SDCBP2: variants seen among roughly 807,000 people sequenced by gnomAD.
SDCBP2 encodes the protein syndecan binding protein 2.
In SDCBP2, 28 loss-of-function variants were observed where a neutral mutation model predicts 30.7. The ratio of observed to expected loss-of-function variants is 0.91; its 90% CI spans 0.68 to 1.25. The LOEUF is 1.25. Ranked by LOEUF, SDCBP2 falls within the 50% of genes most tolerant of loss-of-function variation. The probability of loss-of-function intolerance (pLI) is 0.00; values close to 1 mark genes in which losing one functional copy is unlikely to be tolerated. For synonymous variants in SDCBP2, 166 were observed against 157.3 expected, an observed-to-expected ratio of 1.06 and a Z score of -0.41; for missense variants, 399 against 379.0, an observed-to-expected ratio of 1.05 and a Z score of -0.44.
At chr20:1,319,411 A>G in intron 3 of SDCBP2, 179 bp downstream of exon 3, 1 of 651,568 alleles carries the variant, frequency 1.5e-6, no homozygotes, top group Non-Finnish European at 2.7e-6. Context: ...GAGGTGACTC[A>G]GCCCAGGTCA....
chr20:1,310,110 GT>G lies in SDCBP2; in HGVS notation c.*330del. On this transcript the variant is annotated 3_prime_UTR_variant, in exon 9 of 9. Transcript: ENST00000360779. ...CTCTGTTCTCTTAAAATGTGTAACT[GT>G]TTTCCTGGTAGAGCAAAATTTCTTG... The G allele has an allele frequency of 3.9e-6, 1 of 255,760 alleles. No individual in the cohort carries two copies. The highest frequency in any genetic ancestry group is 5.0e-5 in the Admixed American group (1 of 19,812). The allele number at this position is 255,760 out of a possible 1,614,324, so 15.8% of individuals were successfully genotyped here. A position where few individuals can be genotyped will look rare whatever the true frequency, so the allele number is the denominator to read the frequency against.
Position 1,321,629 on chromosome 20 carries a change from TG to T in SDCBP2, c.-19-1195del, listed in dbSNP as rs2122534751. 6.6e-6 allele frequency: 1 copy of T among 152,458 alleles called. No homozygotes were observed. Among genetic ancestry groups the T allele is most frequent in the South Asian group, 2.1e-4 (1 of 4,826 alleles). 9.4% of individuals were successfully genotyped at this position (152,458 alleles called of 1,614,324 possible). Reference sequence around the variant, plus strand: ...CCACCAGGCCCTTTGTGTACACACTTGGGATGTCATGCCCTGGCTGAAAGCC... The same window carrying T: ...CCACCAGGCCCTTTGTGTACACACTTGGATGTCATGCCCTGGCTGAAAGCC... On this transcript the variant is annotated intron_variant, in intron 1 of 8. Coordinates refer to ENST00000360779, the MANE Select transcript of SDCBP2 (RefSeq NM_080489.5). This position sits in a 1 kb window ranked among gnomAD's most constrained non-coding sequence, Gnocchi z 5.2.
Position 1,310,480 on chromosome 20 carries a change from C to A in SDCBP2, c.840G>T (p.Leu280=). ...EHMVKKLPPV[L]LHHTMDHSIP... ...TGGAGTGGTCCATGGTGTGGTGGAG[C>A]AGGACTGGAGGCAACCTGGATACAG... The change falls in exon 9 of 9, where the codon CTG becomes CTT. Residue 280 remains leucine, a synonymous_variant. Coordinates refer to ENST00000360779, the MANE Select transcript of SDCBP2 (RefSeq NM_080489.5). The A allele has an allele frequency of 6.2e-7, 1 of 1,613,726 alleles. No homozygotes were observed. Among genetic ancestry groups the A allele is most frequent in the Non-Finnish European group, 8.5e-7 (1 of 1,179,992 alleles).
intron 4 of SDCBP2, among the ~76,000 whole-genome samples, chr20:1,314,488 C>CAAAAAAAAAAAA (rs57936330): frequency 9.3e-5 from 5 of 53,952 alleles, no homozygotes; most frequent in Non-Finnish European, 1.5e-4. Flanking sequence ...GACTCCACCT[C>CAAAAAAAAAAAA]AAAAAAAAAA....
In SDCBP2 at chr20:1,328,693, G is replaced by A. The variant is rs149540707; in HGVS notation, c.-20+392C>T. The stretch of plus-strand genomic sequence containing the variant: ...GGTTTTTTGATAGAAACAGCCTCAG[G>A]CCAGAGAAGTCGGCCTGAGCTGTGG... On this transcript the variant is annotated intron_variant, in intron 1 of 8. Transcript: ENST00000360779. Among the ~76,000 whole-genome samples, 785 of 152,276 alleles carry A rather than the reference G, an allele frequency of 5.2e-3. 28 individuals carry two copies. The highest frequency in any genetic ancestry group is 0.046 in the Admixed American group (697 of 15,296).
chr20:1,328,916 G>T (rs188728487), intron 1 of SDCBP2, among the ~76,000 whole-genome samples, 169 bp downstream of exon 1: 1 of 152,278 alleles, frequency 6.6e-6, no homozygotes, highest in Admixed American at 6.5e-5. Flanking sequence ...GCTGGGATCA[G>T]AAGAAGAAAC....
chr20:1,315,188 A>G (rs571817958), intron 4 of SDCBP2, among the ~76,000 whole-genome samples: 1 of 152,356 alleles, frequency 6.6e-6, no homozygotes, highest in African/African-American at 2.4e-5. Flanking sequence ...AAATCCAGAA[A>G]TAGCCTCAAA....
intron 4 of SDCBP2, among the ~76,000 whole-genome samples, chr20:1,314,417 G>C (rs1332255891): frequency 7.0e-6 from 1 of 142,324 alleles, no homozygotes. Context: ...AACCCAGGAG[G>C]TGGAGGTTGC....
intron 5 of SDCBP2, chr20:1,312,996 A>C: frequency 3.4e-6 from 2 of 595,526 alleles, no homozygotes; most frequent in Middle Eastern, 4.5e-4. Context: ...TGCACTCCGA[A>C]ACACTCCACT....
Position 1,313,393 on chromosome 20 carries a change from G to A in SDCBP2, c.331C>T (p.Leu111=). The change falls in exon 5 of 9, where the codon CTG becomes TTG. Residue 111 remains leucine (L), a synonymous_variant. Coordinates refer to ENST00000360779, the MANE Select transcript of SDCBP2 (RefSeq NM_080489.5). The surrounding 1 kb of genome is among the most constrained non-coding windows in gnomAD (Gnocchi z 5.2). ...EIKPGVREIH[L]CKDERGKTGL... ...GTCTTGCCGCGCTCGTCCTTGCACA[G>A]GTGGATCTCGCGCACCCCGGGCTTG... is the stretch of plus-strand genomic sequence containing the variant. 2.5e-6 allele frequency: 4 copies of A among 1,610,504 alleles called. No individual in the cohort carries two copies. Among genetic ancestry groups the A allele is most frequent in the African/African-American group, 2.7e-5 (2 of 75,004 alleles).
intron 4 of SDCBP2, 76 bp downstream of exon 4, chr20:1,318,242 G>A: frequency 9.8e-7 from 1 of 1,022,162 alleles, no homozygotes; most frequent in Non-Finnish European, 1.6e-6. Flanking sequence ...AAGAAGGTCT[G>A]TTGAAATGGC....
At chr20:1,318,045 T>G (rs920070651) in intron 4 of SDCBP2, 7 of 497,412 alleles carry the variant, frequency 1.4e-5, no homozygotes, top group African/African-American at 1.4e-4. Flanking sequence ...CTTAATGACC[T>G]CCCTTCTCAT....
rs192087068 is a variant in SDCBP2 at position 1,325,205 on chromosome 20, C to A, written c.-20+3880G>T. 2.4e-3 allele frequency among the ~76,000 whole-genome samples: 361 copies of A among 152,326 alleles called. 1 individual carries two copies. Among genetic ancestry groups the A allele is most frequent in the African/African-American group, 8.2e-3 (339 of 41,574 alleles). On this transcript the variant is annotated intron_variant, in intron 1 of 8. Transcript: ENST00000360779. The stretch of plus-strand genomic sequence containing the variant: ...AGCCTCAGTTTCCTATCTGTCACAT[C>A]GTTCTATGATCTCGAAATGACTATA...
rs1231618724 is a variant in SDCBP2, at chr20:1,313,491, A to G, written c.233T>C (p.Val78Ala). The G allele has an allele frequency of 6.3e-7, 1 of 1,588,580 alleles. No individual in the cohort carries two copies. Among genetic ancestry groups the G allele is most frequent in the Non-Finnish European group, 8.5e-7 (1 of 1,171,708 alleles). ...LQIPEGDSTA[V>A]SGPGPGQMVA... is the part of the protein sequence containing the mutation. ...CATCTGGCCGGGCCCGGGGCCCGAG[A>G]CCGCTGTCTGCAGACACCAGGGGGC... The change falls in exon 5 of 9, where the codon GTC (valine) becomes GCC (alanine). Residue 78 changes from valine (V) to alanine (A), a missense_variant. Val to Ala is a moderately conservative substitution (Grantham distance 64). Coordinates refer to ENST00000360779, the MANE Select transcript of SDCBP2 (RefSeq NM_080489.5). The surrounding 1 kb of genome is among the most constrained non-coding windows in gnomAD (Gnocchi z 5.2).
Position 1,318,367 on chromosome 20 carries a change from G to T in SDCBP2, c.176C>A (p.Ser59Tyr). The change falls in exon 4 of 9, where the codon TCC becomes TAC. Residue 59 changes from serine to tyrosine, a missense_variant. By Grantham distance (144) the Ser-to-Tyr change is moderately radical. Coordinates refer to ENST00000360779, the MANE Select transcript of SDCBP2 (RefSeq NM_080489.5). ...ELENYMGLSL[S>Y]SQEVQESLLQ... ...CAGGCTCTCCTGGACTTCTTGGCTGGAGAGGGAAAGACCCATATAATTTTC... is the reference window on the plus strand; with the variant it reads ...CAGGCTCTCCTGGACTTCTTGGCTGTAGAGGGAAAGACCCATATAATTTTC... The T allele has an allele frequency of 6.2e-7, 1 of 1,613,492 alleles. No homozygotes were observed. The highest frequency in any genetic ancestry group is 1.7e-4 in the Middle Eastern group (1 of 6,058).
At chr20:1,318,207 G>T (rs1435033791) in intron 4 of SDCBP2, 111 bp downstream of exon 4, 4 of 780,640 alleles carry the variant, frequency 5.1e-6, no homozygotes, top group Non-Finnish European at 9.3e-6. Context: ...GTGCTGGGGA[G>T]AGGGGAGGTC....
intron 4 of SDCBP2, among the ~76,000 whole-genome samples, chr20:1,316,920 T>A (rs1354676899): frequency 1.3e-5 from 2 of 152,212 alleles, no homozygotes; most frequent in Non-Finnish European, 2.9e-5. Flanking sequence ...AGGAATGAAC[T>A]ATTATTGACA....
intron 1 of SDCBP2, among the ~76,000 whole-genome samples, chr20:1,326,079 C>T (rs2088921575): frequency 6.6e-6 from 1 of 152,186 alleles, no homozygotes; most frequent in South Asian, 2.1e-4. Context: ...TCAGGAAGGT[C>T]TCCTGGAGGA....
intron 1 of SDCBP2, 95 bp downstream of exon 1, chr20:1,328,990 G>C (rs1378840206): frequency 6.6e-6 from 1 of 152,456 alleles, no homozygotes; most frequent in Non-Finnish European, 1.5e-5. Flanking sequence ...GGAAGTCCCA[G>C]AAGGGAAGGG....
Sources: allele counts gnomAD v4.1 joint callset (sites outside exome capture counted in the v4.1 genomes callset), GRCh38; gene constraint gnomAD v4.1.1; non-coding constraint Gnocchi (gnomAD v3.1); transcripts MANE v1.5; gene names NCBI Gene and HGNC (gene_info 2026-07-23, HGNC 2026-07-21).